The following USP32 variants were observed in gnomAD, a reference collection of about 807,000 sequenced individuals.
The protein encoded by USP32 is ubiquitin specific peptidase 32, also known as ubiquitin carboxyl-terminal hydrolase 32.
A neutral mutation model predicts 204.8 loss-of-function variants in USP32; 59 were observed. The observed-to-expected ratio is 0.29, with a 90% CI of 0.23 to 0.36. The LOEUF (loss-of-function observed/expected upper bound fraction) is 0.36. Among genes scored for constraint, USP32 ranks in the 10% least tolerant of loss-of-function variants. USP32 has a pLI of 1.00. For missense variants in USP32, 1,160 were observed against 1,946.4 expected (o/e 0.60, Z 7.60); for synonymous variants, 517 against 678.4 (o/e 0.76, Z 3.70).
At chr17:60,394,396 T>C (rs1481449489), upstream of USP32, among the ~76,000 whole-genome samples, 2 of 152,226 alleles carry the variant, frequency 1.3e-5, no homozygotes, top group Non-Finnish European at 2.9e-5. Flanking sequence ...AGGGATAGGC[T>C]TGGGTATTTA....
chr17:60,385,851 AG>A (rs1195156742), intron 1 of USP32, among the ~76,000 whole-genome samples: 1 of 151,718 alleles, frequency 6.6e-6, no homozygotes, highest in African/African-American at 2.4e-5. Context: ...AAAAAAAAAA[AG>A]AAAAAGATAA....
intron 2 of USP32, among the ~76,000 whole-genome samples, chr17:60,331,330 C>G (rs1202116800): frequency 6.6e-6 from 1 of 152,174 alleles, no homozygotes; most frequent in Non-Finnish European, 1.5e-5. Flanking sequence ...CTTTGGGAGG[C>G]CAAGGCAGGC....
intron 1 of USP32, among the ~76,000 whole-genome samples, chr17:60,418,956 T>C (rs144335865): frequency 1.1e-4 from 16 of 152,312 alleles, no homozygotes; most frequent in Non-Finnish European, 1.6e-4. Context: ...AGTAGTGTGG[T>C]GAATCCTCAA....
In USP32 at chr17:60,269,535, T is replaced by C. The variant is rs1265864968; in HGVS notation, c.726A>G (p.Glu242=). 1.2e-6 allele frequency: 2 copies of C among 1,610,562 alleles called. No homozygotes were observed. Among genetic ancestry groups the C allele is most frequent in the African/African-American group, 2.7e-5 (2 of 74,764 alleles). ...TAAAATCTATGTGATTGTCACGATTTTCATCAAAAGCATTAAACAAACCTG... is the reference window on the plus strand; with the variant it reads ...TAAAATCTATGTGATTGTCACGATTCTCATCAAAAGCATTAAACAAACCTG... ...LSEGLFNAFD[E]NRDNHIDFKE... The change falls in exon 7 of 34, where the codon GAA becomes GAG. Residue 242 remains glutamate (E), a synonymous_variant. Coordinates refer to ENST00000300896, the MANE Select transcript of USP32 (RefSeq NM_032582.4).
chr17:60,418,757 GA>G (rs1281424355), intron 1 of USP32, among the ~76,000 whole-genome samples: 5 of 152,116 alleles, frequency 3.3e-5, no homozygotes, highest in Non-Finnish European at 7.4e-5. Flanking sequence ...ATAAGCATAT[GA>G]AAAAAAGCTC....
At chr17:60,184,809 C>CA (rs35566339) in intron 30 of USP32, among the ~76,000 whole-genome samples, 5,485 of 78,026 alleles carry the variant, frequency 0.07, 138 homozygotes, top group Non-Finnish European at 0.085. Context: ...GACCCTGTCT[C>CA]AAAAAAAAAA....
In USP32 at chr17:60,177,598, G is replaced by C. The variant is rs1456645385; in HGVS notation, c.*1657C>G. The stretch of plus-strand genomic sequence containing the variant: ...ATTTAAAATCTTCCACTTTTTAATG[G>C]GAATGGACAGATTTTATATACTGAA... On this transcript the variant is annotated 3_prime_UTR_variant, in exon 34 of 34. Transcript: ENST00000300896. 6.6e-6 allele frequency among the ~76,000 whole-genome samples: 1 copy of C among 152,108 alleles called. No individual in the cohort carries two copies. The highest frequency in any genetic ancestry group is 1.5e-5 in the Non-Finnish European group (1 of 68,018).
intron 5 of USP32, among the ~76,000 whole-genome samples, chr17:60,285,223 T>G (rs959106984): frequency 1.3e-5 from 2 of 152,124 alleles, no homozygotes; most frequent in African/African-American, 4.8e-5. Flanking sequence ...AATATTAAGG[T>G]AAGTTAGAGT....
At chr17:60,376,162 A>G in intron 1 of USP32, among the ~76,000 whole-genome samples, 1 of 152,058 alleles carries the variant, frequency 6.6e-6, no homozygotes, top group Non-Finnish European at 1.5e-5. Flanking sequence ...CCTCCAGTCT[A>G]AGCTTCCCAA....
intron 29 of USP32, among the ~76,000 whole-genome samples, chr17:60,188,990 A>G (rs927337907): frequency 6.6e-6 from 1 of 152,242 alleles, no homozygotes; most frequent in African/African-American, 2.4e-5. Flanking sequence ...TCCTATAAGC[A>G]GGATGTCCTA....
At chr17:60,307,384 A>C (rs2087750358) in intron 2 of USP32, among the ~76,000 whole-genome samples, 1 of 152,208 alleles carries the variant, frequency 6.6e-6, no homozygotes, top group East Asian at 1.9e-4. Context: ...TACAGGCGTG[A>C]GCCACCACAC....
At chr17:60,378,638 C>A (rs2089594075) in intron 1 of USP32, among the ~76,000 whole-genome samples, 1 of 152,054 alleles carries the variant, frequency 6.6e-6, no homozygotes, top group Non-Finnish European at 1.5e-5. Context: ...CTATGTACTA[C>A]AACATGGATA....
Position 60,209,551 on chromosome 17 carries a change from T to TA in USP32, c.2425-9dup. On this transcript the variant is annotated splice_polypyrimidine_tract_variant and intron_variant, in intron 21 of 33. Coordinates refer to ENST00000300896, the MANE Select transcript of USP32 (RefSeq NM_032582.4). The stretch of plus-strand genomic sequence containing the variant: ...ATATTTTGCTATGGTCCACTATAAA[T>TA]ATAAGAGAAGTCACAGTCATTATTT... 1 of 1,559,472 alleles carries TA rather than the reference T, an allele frequency of 6.4e-7. No homozygotes were observed. Among genetic ancestry groups the TA allele is most frequent in the Non-Finnish European group, 8.6e-7 (1 of 1,162,816 alleles).
intron 1 of USP32, among the ~76,000 whole-genome samples, chr17:60,350,171 C>T (rs886186833): frequency 1.3e-5 from 2 of 151,888 alleles, no homozygotes; most frequent in Non-Finnish European, 2.9e-5. Context: ...CACTGCCACA[C>T]GTGGATAATT....
At chr17:60,244,514 A>G (rs2085962886) in intron 11 of USP32, among the ~76,000 whole-genome samples, 3 of 152,158 alleles carry the variant, frequency 2.0e-5, no homozygotes, top group Admixed American at 6.5e-5. Flanking sequence ...ATTTTCTAGG[A>G]ATTTAAATAG....
chr17:60,289,100 C>G (rs1253466856), intron 4 of USP32, among the ~76,000 whole-genome samples: 2 of 152,142 alleles, frequency 1.3e-5, no homozygotes, highest in Non-Finnish European at 2.9e-5. Flanking sequence ...CTCTGCCTCC[C>G]GGGTTCACGC....
chr17:60,290,543 A>G (rs1030074035), intron 4 of USP32, among the ~76,000 whole-genome samples: 3 of 152,180 alleles, frequency 2.0e-5, no homozygotes, highest in Admixed American at 6.5e-5. Context: ...TGACATTGGG[A>G]TAAGTCTTAA....
At chr17:60,371,367 G>C (rs1210421152) in intron 1 of USP32, among the ~76,000 whole-genome samples, 1 of 151,158 alleles carries the variant, frequency 6.6e-6, no homozygotes, top group Non-Finnish European at 1.5e-5. Context: ...AGGATTTCAA[G>C]ACCAGCCTGG....
intron 1 of USP32, among the ~76,000 whole-genome samples, chr17:60,411,709 T>C (rs931111715): frequency 4.6e-5 from 7 of 151,588 alleles, no homozygotes; most frequent in Non-Finnish European, 1.0e-4. Context: ...AATTTGCCTA[T>C]TTTAGATATT....
Sources: gnomAD v4.1 joint callset for allele counts (sites outside exome capture counted in the v4.1 genomes callset) on GRCh38, gnomAD v4.1.1 for gene constraint, MANE v1.5 for transcripts, NCBI Gene and HGNC (gene_info 2026-07-23, HGNC 2026-07-21) for gene names.